The following CTDSPL2 variants were observed in gnomAD, a reference collection of about 807,000 sequenced individuals.
CTDSPL2 encodes the protein CTD small phosphatase like 2.
In CTDSPL2, 5 loss-of-function variants were observed where a neutral mutation model predicts 60.0. The ratio of observed to expected loss-of-function variants is 0.08; its 90% CI spans 0.04 to 0.18. CTDSPL2 has a LOEUF of 0.18. Among genes scored for constraint, CTDSPL2 ranks in the 10% least tolerant of loss-of-function variants. CTDSPL2 has a pLI of 1.00. For missense variants in CTDSPL2, 370 were observed against 548.8 expected, an observed-to-expected ratio of 0.67 and a Z score of 3.26; for synonymous variants, 186 against 189.3, an observed-to-expected ratio of 0.98 and a Z score of 0.14.
At chr15:44,521,795 G>A (rs1007869334) in intron 12 of CTDSPL2, among the ~76,000 whole-genome samples, 31 of 151,040 alleles carry the variant, frequency 2.1e-4, no homozygotes, top group African/African-American at 5.6e-4. Context: ...AAAATTAGCC[G>A]GGCGTGGTAG....
chr15:44,496,896 T>G, intron 6 of CTDSPL2, 131 bp from the exon 7 acceptor site: 1 of 531,496 alleles, frequency 1.9e-6, no homozygotes, highest in Non-Finnish European at 3.4e-6. Context: ...GTTTTCACTT[T>G]TATTAATATG....
Position 44,427,662 on chromosome 15 carries a change from C to G in CTDSPL2, c.-135C>G, listed in dbSNP as rs1227619759. ...TCGGTAGGCGGGAAATGGCGACTGGCTGAAGGAGCTGGTTCTGTTGCTGCT... is the reference window on the plus strand; with the variant it reads ...TCGGTAGGCGGGAAATGGCGACTGGGTGAAGGAGCTGGTTCTGTTGCTGCT... On this transcript the variant is annotated 5_prime_UTR_variant, in exon 1 of 13. Transcript: ENST00000260327. 5.0e-6 allele frequency: 2 copies of G among 399,260 alleles called. No homozygotes were observed. The highest frequency in any genetic ancestry group is 8.8e-6 in the Non-Finnish European group (2 of 226,356). The allele number at this position is 399,260 out of a possible 1,614,324, so 24.7% of individuals were successfully genotyped here.
At chr15:44,452,748 A>G (rs2080357077) in intron 1 of CTDSPL2, among the ~76,000 whole-genome samples, 2 of 152,140 alleles carry the variant, frequency 1.3e-5, no homozygotes. Flanking sequence ...GGAGGTGTGA[A>G]TTGGCATACC....
intron 2 of CTDSPL2, among the ~76,000 whole-genome samples, chr15:44,478,646 G>A (rs1279671409): frequency 8.6e-5 from 13 of 151,870 alleles, no homozygotes; most frequent in Non-Finnish European, 4.4e-5. Context: ...TCTGTCAAAC[G>A]TTTGATAATA....
At chr15:44,486,217 G>A (rs893705159) in intron 3 of CTDSPL2, among the ~76,000 whole-genome samples, 2 of 152,160 alleles carry the variant, frequency 1.3e-5, no homozygotes, top group Non-Finnish European at 2.9e-5. Flanking sequence ...TTGTGTTTTA[G>A]TTGGTGGGAA....
intron 12 of CTDSPL2, among the ~76,000 whole-genome samples, chr15:44,521,921 G>C (rs1451846336): frequency 9.4e-6 from 1 of 106,294 alleles, no homozygotes; most frequent in Non-Finnish European, 1.7e-5. Context: ...CTGGGCGACA[G>C]AGCGAGACTC....
intron 8 of CTDSPL2, among the ~76,000 whole-genome samples, chr15:44,514,141 A>G (rs563183624): frequency 1.3e-5 from 2 of 152,238 alleles, no homozygotes; most frequent in Non-Finnish European, 2.9e-5. Context: ...ATATAAATTT[A>G]AAATAGAGAT....
chr15:44,524,337 TTATC>T lies in CTDSPL2; in HGVS notation c.*169_*172del, dbSNP rs1481941092. On this transcript the variant is annotated 3_prime_UTR_variant, in exon 13 of 13. Transcript: ENST00000260327. Reference sequence around the variant, plus strand: ...TAATTAAGGGTTACAGAAAGAGACTTTATCTATCTCAGATCGAATACATATAGTA... The same window carrying T: ...TAATTAAGGGTTACAGAAAGAGACTTTATCTCAGATCGAATACATATAGTA... The T allele has an allele frequency of 1.3e-5, 8 of 622,974 alleles. No homozygotes were observed. The highest frequency in any genetic ancestry group is 2.8e-5 in the East Asian group (1 of 36,164). The allele number at this position is 622,974 out of a possible 1,614,324, so 38.6% of individuals were successfully genotyped here. A position where few individuals can be genotyped will look rare whatever the true frequency, so the allele number is the denominator to read the frequency against.
At chr15:44,448,921 T>G (rs561394611) in intron 1 of CTDSPL2, 1 of 416,634 alleles carries the variant, frequency 2.4e-6, no homozygotes, top group East Asian at 9.0e-5. Context: ...AGTGGACTGT[T>G]CAAAAGTAAC....
intron 2 of CTDSPL2, among the ~76,000 whole-genome samples, chr15:44,479,407 CTTTTTT>C (rs11414036): frequency 1.0e-5 from 1 of 97,890 alleles, no homozygotes; most frequent in African/African-American, 4.3e-5. Flanking sequence ...ATTTTCTTTC[CTTTTTT>C]TTTTTTTTTT....
intron 2 of CTDSPL2, among the ~76,000 whole-genome samples, chr15:44,481,008 A>G (rs1329095133): frequency 6.6e-6 from 1 of 152,074 alleles, no homozygotes; most frequent in Admixed American, 6.6e-5. Context: ...ATGTTCACAG[A>G]AGACTAGGAT....
At chr15:44,436,748 A>G (rs946963090) in intron 1 of CTDSPL2, among the ~76,000 whole-genome samples, 1 of 152,164 alleles carries the variant, frequency 6.6e-6, no homozygotes, top group African/African-American at 2.4e-5. Flanking sequence ...TTTACAGCAA[A>G]TCTTGACTTT....
chr15:44,527,087 C>T lies in CTDSPL2; in HGVS notation c.*2913C>T, dbSNP rs902496297. 1 of 152,492 alleles carries T rather than the reference C, an allele frequency of 6.6e-6. No individual in the cohort carries two copies. The highest frequency in any genetic ancestry group is 2.4e-5 in the African/African-American group (1 of 41,412). 9.4% of individuals were successfully genotyped at this position (152,492 alleles called of 1,614,324 possible). On this transcript the variant is annotated 3_prime_UTR_variant, in exon 13 of 13. Coordinates refer to ENST00000260327, the MANE Select transcript of CTDSPL2 (RefSeq NM_016396.3). ...TGTCCTAAGAGAATTGATGACAATT[C>T]GTAACCATAAATTGTTTTATATTAG...
chr15:44,457,626 G>T (rs1462561074), intron 1 of CTDSPL2, among the ~76,000 whole-genome samples: 2 of 151,916 alleles, frequency 1.3e-5, no homozygotes, highest in Non-Finnish European at 1.5e-5. Flanking sequence ...GGTGGGAGAG[G>T]GTAGTGATGG....
At position 44,441,749 on chromosome 15, in the gene CTDSPL2, GT is replaced by G. The variant is rs531519251; in HGVS notation, c.-25+13984del. Among the ~76,000 whole-genome samples the G allele has an allele frequency of 2.6e-5, 4 of 152,168 alleles. No individual in the cohort carries two copies. In the South Asian group the frequency reaches 8.3e-4, roughly 32 times the overall value. Reference sequence around the variant, plus strand: ...AGGTTCAATTTTGTAGTTTATTCATGTTTTTTTGTTGTTAGGCTGGTGGTGG... The same window carrying G: ...AGGTTCAATTTTGTAGTTTATTCATGTTTTTTGTTGTTAGGCTGGTGGTGG... On this transcript the variant is annotated intron_variant, in intron 1 of 12. Coordinates refer to ENST00000260327, the MANE Select transcript of CTDSPL2 (RefSeq NM_016396.3).
At position 44,524,746 on chromosome 15, in the gene CTDSPL2, G is replaced by GT. The variant is rs1475302047; in HGVS notation, c.*578dup. 1 of 152,576 alleles carries GT rather than the reference G, an allele frequency of 6.6e-6. No individual in the cohort carries two copies. Among genetic ancestry groups the GT allele is most frequent in the Non-Finnish European group, 1.5e-5 (1 of 68,070 alleles). 9.5% of individuals were successfully genotyped at this position (152,576 alleles called of 1,614,324 possible). On this transcript the variant is annotated 3_prime_UTR_variant, in exon 13 of 13. Coordinates refer to ENST00000260327, the MANE Select transcript of CTDSPL2 (RefSeq NM_016396.3). Reference sequence around the variant, plus strand: ...GTTTTCTGGAGATAGTCAATTTTTAGTTTTTTATTATACATTTGAATGGCC... The same window carrying GT: ...GTTTTCTGGAGATAGTCAATTTTTAGTTTTTTTATTATACATTTGAATGGCC...
rs2081052818 is a variant in CTDSPL2, at chr15:44,482,898, A to G, written c.187-1326A>G. ...TAAATTTGAAGATCTAATCCTTACC[A>G]AAAGATTTCAGGTAGTCTCATTAAA... On this transcript the variant is annotated intron_variant, in intron 2 of 12. Coordinates refer to ENST00000260327, the MANE Select transcript of CTDSPL2 (RefSeq NM_016396.3). Among the ~76,000 whole-genome samples, 3 of 152,204 alleles carry G rather than the reference A, an allele frequency of 2.0e-5. No individual in the cohort carries two copies. In the South Asian group the frequency reaches 6.2e-4, roughly 31 times the overall value.
intron 7 of CTDSPL2, among the ~76,000 whole-genome samples, chr15:44,497,443 G>A (rs542789069): frequency 9.9e-5 from 15 of 152,236 alleles, no homozygotes; most frequent in African/African-American, 3.6e-4. Context: ...TCAGCTCACT[G>A]CAAGCTCCGC....
intron 5 of CTDSPL2, 46 bp downstream of exon 5, chr15:44,491,045 A>G (rs1211605518): frequency 1.4e-6 from 2 of 1,392,678 alleles, no homozygotes; most frequent in African/African-American, 2.8e-5. Flanking sequence ...GTAGTTGATA[A>G]AAAATAACAG....
Sources: allele counts gnomAD v4.1 joint callset (sites outside exome capture counted in the v4.1 genomes callset), GRCh38; gene constraint gnomAD v4.1.1; transcripts MANE v1.5; gene names NCBI Gene and HGNC (gene_info 2026-07-23, HGNC 2026-07-21).